Variants in FBXW11 observed in about 807,000 individuals in gnomAD.
The protein encoded by FBXW11 is F-box and WD repeat domain containing 11, also known as F-box/WD repeat-containing protein 11.
Under a neutral mutation model 77.6 loss-of-function variants are expected in FBXW11, and 19 were observed. That is an observed-to-expected ratio of 0.24 (90% CI 0.17 to 0.36). The LOEUF (loss-of-function observed/expected upper bound fraction) is 0.36, where lower values mean the gene tolerates loss of function less well. FBXW11 is among the 10% of genes least tolerant of loss of function. The probability of loss-of-function intolerance (pLI) is 1.00; values close to 1 mark genes in which losing one functional copy is unlikely to be tolerated. For missense variants in FBXW11, 334 were observed against 704.2 expected (o/e 0.47, Z 5.95); for synonymous variants, 235 against 249.4 (o/e 0.94, Z 0.54).
chr5:171,898,816 A>T (rs1412462678), intron 6 of FBXW11, among the ~76,000 whole-genome samples, 188 bp downstream of exon 6: 2 of 152,208 alleles, frequency 1.3e-5, no homozygotes, highest in Non-Finnish European at 2.9e-5. Context: ...ATTCTTTGCA[A>T]AAGACATTAT....
At chr5:171,940,087 T>C (rs904351687) in intron 2 of FBXW11, among the ~76,000 whole-genome samples, 16 of 152,204 alleles carry the variant, frequency 1.1e-4, no homozygotes, top group Admixed American at 4.6e-4. Context: ...TTTTCAATCC[T>C]AGGTTGATTG....
Position 171,990,333 on chromosome 5 carries a change from GCAAA to G in FBXW11, c.45+16121_45+16124del, listed in dbSNP as rs201149775. 6.2e-3 allele frequency among the ~76,000 whole-genome samples: 940 copies of G among 152,218 alleles called. 3 individuals are homozygous for G. The highest frequency in any genetic ancestry group is 9.0e-3 in the Non-Finnish European group (613 of 67,978). ...GAAAAAGAGAAGAACAATTTAAAAAGCAAACAGTTTAAAATTCATGTAATACCAT... is the reference window on the plus strand; with the variant it reads ...GAAAAAGAGAAGAACAATTTAAAAAGCAGTTTAAAATTCATGTAATACCAT... On this transcript the variant is annotated intron_variant, in intron 1 of 13. Transcript: ENST00000517395.
intron 10 of FBXW11, among the ~76,000 whole-genome samples, chr5:171,871,601 G>A (rs925430443): frequency 6.6e-6 from 1 of 152,190 alleles, no homozygotes; most frequent in African/African-American, 2.4e-5. Flanking sequence ...TAACAATTCT[G>A]GAGTTAGAGA....
At chr5:171,933,352 G>T (rs1762315797) in intron 2 of FBXW11, among the ~76,000 whole-genome samples, 1 of 152,156 alleles carries the variant, frequency 6.6e-6, no homozygotes, top group Non-Finnish European at 1.5e-5. Context: ...TGATTGTCAG[G>T]AAGGATGGAT....
At chr5:171,963,554 T>C (rs1415224430) in intron 1 of FBXW11, among the ~76,000 whole-genome samples, 1 of 152,206 alleles carries the variant, frequency 6.6e-6, no homozygotes, top group African/African-American at 2.4e-5. Flanking sequence ...CCAATGCTTC[T>C]CAGCTGTGTC....
chr5:171,992,002 C>A (rs1765764368), intron 1 of FBXW11, among the ~76,000 whole-genome samples: 1 of 151,932 alleles, frequency 6.6e-6, no homozygotes, highest in East Asian at 1.9e-4. Flanking sequence ...GTAGTCCCAG[C>A]TACTCGGGAG....
chr5:171,896,962 C>T (rs1207239785), intron 6 of FBXW11, among the ~76,000 whole-genome samples: 1 of 152,018 alleles, frequency 6.6e-6, no homozygotes, highest in Non-Finnish European at 1.5e-5. Context: ...CAGAATAAAA[C>T]ACACTCTCAA....
At chr5:171,910,857 T>G in intron 3 of FBXW11, 60 bp from the exon 4 acceptor site, 1 of 1,193,588 alleles carries the variant, frequency 8.4e-7, no homozygotes, top group South Asian at 1.6e-5. Context: ...AATTAATATT[T>G]CATTAGAAAT....
intron 2 of FBXW11, among the ~76,000 whole-genome samples, chr5:171,937,962 C>T (rs1762563255): frequency 6.6e-6 from 1 of 151,772 alleles, no homozygotes; most frequent in African/African-American, 2.4e-5. Context: ...CAGCCTATGT[C>T]ACAAATAAAA....
chr5:171,910,315 C>G (rs945541763), intron 4 of FBXW11, among the ~76,000 whole-genome samples: 1 of 152,092 alleles, frequency 6.6e-6, no homozygotes, highest in Non-Finnish European at 1.5e-5. Flanking sequence ...ATCCACCTGC[C>G]TTAGCCTCCC....
chr5:171,903,563 A>C (rs1294176344), intron 4 of FBXW11, among the ~76,000 whole-genome samples: 8 of 152,192 alleles, frequency 5.3e-5, no homozygotes. Context: ...TTCAGTCTCT[A>C]GCCGTGGACT....
intron 1 of FBXW11, among the ~76,000 whole-genome samples, chr5:171,981,675 C>G (rs762044841): frequency 3.9e-5 from 6 of 152,188 alleles, no homozygotes; most frequent in Non-Finnish European, 7.3e-5. Context: ...TTTACATTTA[C>G]TCTATCTCAG....
At chr5:171,886,014 A>C (rs1265861789) in intron 7 of FBXW11, among the ~76,000 whole-genome samples, 1 of 152,236 alleles carries the variant, frequency 6.6e-6, no homozygotes, top group Non-Finnish European at 1.5e-5. Flanking sequence ...AGTCAAATGG[A>C]TGTGCCACAA....
intron 2 of FBXW11, among the ~76,000 whole-genome samples, chr5:171,955,304 T>G (rs1276009448): frequency 1.3e-5 from 2 of 152,346 alleles, no homozygotes; most frequent in South Asian, 2.1e-4. Context: ...TAAGGGGGAC[T>G]CTTTCATGGA....
intron 2 of FBXW11, among the ~76,000 whole-genome samples, chr5:171,925,103 G>A (rs997379873): frequency 1.2e-4 from 18 of 152,142 alleles, no homozygotes; most frequent in African/African-American, 3.9e-4. Flanking sequence ...GCCCTGGGCA[G>A]GGGCACTGCC....
At chr5:171,944,025 G>A (rs2113198604) in intron 2 of FBXW11, among the ~76,000 whole-genome samples, 1 of 152,168 alleles carries the variant, frequency 6.6e-6, no homozygotes, top group African/African-American at 2.4e-5. Flanking sequence ...AAAGATTTAC[G>A]CACAAAGATG....
At chr5:171,879,607 A>G (rs1015200466) in intron 7 of FBXW11, among the ~76,000 whole-genome samples, 2 of 152,222 alleles carry the variant, frequency 1.3e-5, no homozygotes, top group Non-Finnish European at 2.9e-5. Context: ...TCTCACCAGC[A>G]TTGGGTGTTG....
At chr5:171,918,615 G>A (rs759880563) in intron 2 of FBXW11, among the ~76,000 whole-genome samples, 3 of 152,082 alleles carry the variant, frequency 2.0e-5, no homozygotes, top group Non-Finnish European at 4.4e-5. Flanking sequence ...AGCATCACAC[G>A]TAAATAGATT....
chr5:171,936,358 G>C (rs2113126611), intron 2 of FBXW11, among the ~76,000 whole-genome samples: 1 of 151,718 alleles, frequency 6.6e-6, no homozygotes, highest in South Asian at 2.1e-4. Flanking sequence ...AGATGTGGTA[G>C]CCCGCACCTG....
Sources: gnomAD v4.1 joint callset for allele counts (sites outside exome capture counted in the v4.1 genomes callset) on GRCh38, gnomAD v4.1.1 for gene constraint, MANE v1.5 for transcripts, NCBI Gene and HGNC (gene_info 2026-07-23, HGNC 2026-07-21) for gene names.